The following WASF3 variants were observed in gnomAD, a reference collection of about 807,000 sequenced individuals.
The protein encoded by WASF3 is WASP family member 3.
Under a neutral mutation model 46.6 loss-of-function variants are expected in WASF3, and 11 were observed. The observed-to-expected ratio is 0.24, with a 90% confidence interval of 0.15 to 0.39. The LOEUF (loss-of-function observed/expected upper bound fraction) is 0.39. Ranked by LOEUF, WASF3 falls within the 10% of genes least tolerant of loss-of-function variation. The pLI is 1.00. For missense variants in WASF3, 576 were observed against 669.8 expected, an observed-to-expected ratio of 0.86 and a Z score of 1.55; for synonymous variants, 242 against 259.7, an observed-to-expected ratio of 0.93 and a Z score of 0.65.
intron 6 of WASF3, among the ~76,000 whole-genome samples, chr13:26,675,650 C>CTGTGTGTGTGTGTGTGTGTG (rs35156420): frequency 0.032 from 4,718 of 146,940 alleles, 113 homozygotes; most frequent in African/African-American, 0.049. Context: ...GATGCCATGT[C>CTGTGTGTGTGTGTGTGTGTG]TGTGTGTGTG....
intron 1 of WASF3, among the ~76,000 whole-genome samples, chr13:26,575,750 T>A (rs1283249119): frequency 6.6e-6 from 1 of 152,220 alleles, no homozygotes; most frequent in Admixed American, 6.5e-5. Context: ...TTGAGACAGG[T>A]TCTAGAATGA....
chr13:26,547,426 A>ACC, the WASF3 span, among the ~76,000 whole-genome samples: 74 of 76,594 alleles, frequency 9.7e-4, no homozygotes, highest in East Asian at 2.4e-3. Flanking sequence ...ACACACACAC[A>ACC]CCCATCATAT....
Position 26,668,922 on chromosome 13 carries a change from C to A in WASF3, c.422+1252C>A, listed in dbSNP as rs186952485. ...TTGTTCAATAGGCATTTTCCTGGGG[C>A]AGTTTCATTTTTACTTAGCAGTGAA... On this transcript the variant is annotated intron_variant, in intron 5 of 9. Transcript: ENST00000335327. Among the ~76,000 whole-genome samples the A allele has an allele frequency of 1.5e-3, 223 of 152,238 alleles. 2 individuals carry two copies. Among genetic ancestry groups the A allele is most frequent in the Middle Eastern group, 0.01 (3 of 294 alleles).
chr13:26,618,197 AAT>A (rs1881194127), intron 2 of WASF3, among the ~76,000 whole-genome samples: 1 of 152,160 alleles, frequency 6.6e-6, no homozygotes, highest in Non-Finnish European at 1.5e-5. Flanking sequence ...TAAAAAAATT[AAT>A]ACTTTCTTGT....
chr13:26,554,082 T>C (rs1480682139), upstream of WASF3, among the ~76,000 whole-genome samples: 387 of 116,464 alleles, frequency 3.3e-3, 7 homozygotes, highest in African/African-American at 0.013. Flanking sequence ...CTTCCTTCCT[T>C]CCTTCCTTCC....
chr13:26,611,016 ATTAC>A (rs1334094702), intron 1 of WASF3, among the ~76,000 whole-genome samples: 2 of 141,616 alleles, frequency 1.4e-5, no homozygotes, highest in East Asian at 2.2e-4. Context: ...CAATGTAGAT[ATTAC>A]TTACTTACTC....
In WASF3 at chr13:26,625,127, C is replaced by G. The variant is rs1210014437; in HGVS notation, c.-11+12069C>G. 4.0e-5 allele frequency among the ~76,000 whole-genome samples: 6 copies of G among 151,688 alleles called. No homozygotes were observed. In the East Asian group the frequency reaches 7.7e-4, roughly 20 times the overall value. Reference sequence around the variant, plus strand: ...TTTAATTACATTAATTGATAATTGTCCAGAGCAAAAACAATAGTAATGTGG... The same window carrying G: ...TTTAATTACATTAATTGATAATTGTGCAGAGCAAAAACAATAGTAATGTGG... On this transcript the variant is annotated intron_variant, in intron 2 of 9. Coordinates refer to ENST00000335327, the MANE Select transcript of WASF3 (RefSeq NM_006646.6).
At chr13:26,578,773 C>T (rs915270131) in intron 1 of WASF3, among the ~76,000 whole-genome samples, 4 of 151,926 alleles carry the variant, frequency 2.6e-5, no homozygotes, top group African/African-American at 9.7e-5. Context: ...TGTATTTTGC[C>T]TTAGCTTCCT....
At chr13:26,575,908 A>G (rs1055838830) in intron 1 of WASF3, among the ~76,000 whole-genome samples, 12 of 152,092 alleles carry the variant, frequency 7.9e-5, no homozygotes, top group African/African-American at 2.2e-4. Context: ...ACTAGGTTAC[A>G]TTTTTGGGGT....
At chr13:26,667,761 C>A in intron 5 of WASF3, 91 bp downstream of exon 5, 1 of 1,261,624 alleles carries the variant, frequency 7.9e-7, no homozygotes, top group South Asian at 1.7e-5. Flanking sequence ...GTGGGAATGT[C>A]CTTGATGGTT....
At chr13:26,666,463 C>T (rs73496360) in intron 4 of WASF3, among the ~76,000 whole-genome samples, 5,175 of 152,266 alleles carry the variant, frequency 0.034, 311 homozygotes, top group African/African-American at 0.12. Flanking sequence ...AAATACTTGA[C>T]TGACAGGAAG....
intron 1 of WASF3, among the ~76,000 whole-genome samples, chr13:26,578,830 ATTTAACATCTTTTC>A (rs1193344103): frequency 6.6e-6 from 1 of 151,980 alleles, no homozygotes; most frequent in African/African-American, 2.4e-5. Flanking sequence ...TCTTGATATC[ATTTAACATCTTTTC>A]TTTAACAAAT....
chr13:26,681,422 T>TA, intron 8 of WASF3, 102 bp downstream of exon 8: 1 of 1,376,950 alleles, frequency 7.3e-7, no homozygotes, highest in South Asian at 1.4e-5. Flanking sequence ...GAGGCCAAGA[T>TA]AGAGTCAAGG....
At chr13:26,636,865 C>T (rs552856352) in intron 2 of WASF3, among the ~76,000 whole-genome samples, 1 of 151,550 alleles carries the variant, frequency 6.6e-6, no homozygotes, top group South Asian at 2.1e-4. Context: ...CACTGGGCTT[C>T]CTCAGCATTG....
intron 2 of WASF3, chr13:26,622,875 C>G (rs1252441637): frequency 6.6e-6 from 1 of 152,090 alleles, no homozygotes; most frequent in Non-Finnish European, 1.5e-5. Flanking sequence ...TACCCTTGTT[C>G]TTACTGTGAA....
intron 2 of WASF3, chr13:26,639,635 C>T (rs979845797): frequency 6.6e-6 from 1 of 152,178 alleles, no homozygotes; most frequent in Non-Finnish European, 1.5e-5. Flanking sequence ...CATGTTGTCC[C>T]TTCCAAATCC....
intron 1 of WASF3, chr13:26,609,573 T>G (rs905467168): frequency 6.6e-6 from 1 of 152,020 alleles, no homozygotes; most frequent in African/African-American, 2.4e-5. Flanking sequence ...TTTCATGATG[T>G]CATTTTTCTT....
At chr13:26,608,055 C>T (rs1880857271) in intron 1 of WASF3, among the ~76,000 whole-genome samples, 1 of 150,038 alleles carries the variant, frequency 6.7e-6, no homozygotes, top group South Asian at 2.2e-4. Flanking sequence ...CCCCGTCCCC[C>T]TTAAACTGTG....
At chr13:26,590,704 C>G (rs143217636) in intron 1 of WASF3, among the ~76,000 whole-genome samples, 1 of 152,164 alleles carries the variant, frequency 6.6e-6, no homozygotes, top group South Asian at 2.1e-4. Flanking sequence ...ATGCCACATA[C>G]ACTTTTTATC....
Sources: allele counts gnomAD v4.1 joint callset (sites outside exome capture counted in the v4.1 genomes callset), GRCh38; gene constraint gnomAD v4.1.1; transcripts MANE v1.5; gene names NCBI Gene and HGNC (gene_info 2026-07-23, HGNC 2026-07-21).